The following MCC variants were observed in gnomAD, a reference collection of about 807,000 sequenced individuals.
The protein encoded by MCC is colorectal mutant cancer protein.
In MCC, 90 loss-of-function variants were observed where a neutral mutation model predicts 116.2. That is an observed-to-expected ratio of 0.77 (90% CI 0.65 to 0.92). MCC has a LOEUF of 0.92. Among genes scored for constraint, MCC ranks in the 40% least tolerant of loss-of-function variants. The pLI is 0.00. For synonymous variants in MCC, 578 were observed against 510.5 expected (o/e 1.13, Z -1.78); for missense variants, 1,516 against 1,312.2 (o/e 1.16, Z -2.40).
intron 3 of MCC, among the ~76,000 whole-genome samples, chr5:113,191,620 C>T (rs1039798611): frequency 2.6e-5 from 4 of 152,174 alleles, no homozygotes; most frequent in African/African-American, 9.7e-5. Context: ...GAGGTTTCCT[C>T]GCCACATCTC....
chr5:113,072,289 C>A (rs913024466), intron 11 of MCC, among the ~76,000 whole-genome samples: 4 of 152,228 alleles, frequency 2.6e-5, no homozygotes, highest in East Asian at 1.9e-4. Context: ...TGGGAGACAT[C>A]TGGTGAGTGT....
intron 2 of MCC, among the ~76,000 whole-genome samples, chr5:113,375,653 G>A (rs1261312471): frequency 6.6e-6 from 1 of 152,074 alleles, no homozygotes; most frequent in Non-Finnish European, 1.5e-5. Flanking sequence ...CCATGTCTGG[G>A]GCTTGGTGCT....
intron 3 of MCC, among the ~76,000 whole-genome samples, chr5:113,300,526 A>G (rs985979010): frequency 2.0e-5 from 3 of 152,152 alleles, no homozygotes; most frequent in African/African-American, 7.2e-5. Flanking sequence ...AATAATTCTT[A>G]AATTGGTGGG....
intron 1 of MCC, among the ~76,000 whole-genome samples, chr5:113,461,594 C>A (rs1409198309): frequency 6.6e-6 from 1 of 151,800 alleles, no homozygotes; most frequent in East Asian, 1.9e-4. Context: ...CTGCTTGAGC[C>A]CAGGAGTCTG....
chr5:113,321,168 G>A (rs1209318139), intron 3 of MCC, among the ~76,000 whole-genome samples: 2 of 152,126 alleles, frequency 1.3e-5, no homozygotes, highest in Non-Finnish European at 2.9e-5. Flanking sequence ...TATTTCTACT[G>A]AAATCTGAAA....
chr5:113,460,099 C>T (rs944595986), intron 1 of MCC, among the ~76,000 whole-genome samples: 10 of 152,162 alleles, frequency 6.6e-5, no homozygotes, highest in African/African-American at 2.2e-4. Flanking sequence ...TATACCTAAA[C>T]ATATAAAGTG....
chr5:113,313,338 C>T (rs774842397), intron 3 of MCC, among the ~76,000 whole-genome samples: 16 of 152,002 alleles, frequency 1.1e-4, no homozygotes, highest in East Asian at 7.7e-4. Context: ...AGCAAAACTC[C>T]GTCTCAAAAA....
chr5:113,139,986 C>A (rs773161743), intron 5 of MCC, among the ~76,000 whole-genome samples: 57 of 152,162 alleles, frequency 3.7e-4, no homozygotes, highest in Admixed American at 9.2e-4. Context: ...AGTAAACAGA[C>A]AACTTACAGA....
chr5:113,305,223 C>A (rs776555106), intron 3 of MCC, among the ~76,000 whole-genome samples: 9 of 152,120 alleles, frequency 5.9e-5, no homozygotes, highest in Non-Finnish European at 1.3e-4. Flanking sequence ...AGAATGGGCT[C>A]CTGCCTACTT....
intron 11 of MCC, among the ~76,000 whole-genome samples, chr5:113,072,448 G>C (rs1472264591): frequency 6.6e-6 from 1 of 152,150 alleles, no homozygotes. Flanking sequence ...CCAGTCTACA[G>C]TCTGTCCCGG....
chr5:113,435,652 G>T (rs1770833528), intron 1 of MCC: 1 of 152,542 alleles, frequency 6.6e-6, no homozygotes, highest in Non-Finnish European at 1.5e-5. Context: ...CACGCAGTTT[G>T]AGATGCCTGG....
intron 3 of MCC, among the ~76,000 whole-genome samples, chr5:113,171,532 T>A (rs940139333): frequency 6.6e-6 from 1 of 152,012 alleles, no homozygotes; most frequent in African/African-American, 2.4e-5. Flanking sequence ...TTTTTGTATT[T>A]TTAATAGAGA....
intron 4 of MCC, among the ~76,000 whole-genome samples, chr5:113,147,149 G>A (rs1235429762): frequency 6.6e-6 from 1 of 152,178 alleles, no homozygotes; most frequent in Non-Finnish European, 1.5e-5. Flanking sequence ...AATTAAACAT[G>A]CATATAAATA....
chr5:113,125,282 T>C (rs1287610342), intron 5 of MCC, among the ~76,000 whole-genome samples: 1 of 152,024 alleles, frequency 6.6e-6, no homozygotes, highest in Non-Finnish European at 1.5e-5. Flanking sequence ...ACAGATAAAA[T>C]GAGAAGAAGA....
intron 3 of MCC, among the ~76,000 whole-genome samples, chr5:113,257,508 T>C (rs571983365): frequency 6.6e-6 from 1 of 152,026 alleles, no homozygotes; most frequent in African/African-American, 2.4e-5. Flanking sequence ...AGAGTTTAAG[T>C]GAGAAAGAGA....
At chr5:113,361,256 T>A in intron 2 of MCC, among the ~76,000 whole-genome samples, 1 of 117,250 alleles carries the variant, frequency 8.5e-6, no homozygotes, top group South Asian at 2.3e-4. Flanking sequence ...TTCATAAATC[T>A]TTAAAAAAAA....
At chr5:113,357,612 T>A (rs1768445433) in intron 2 of MCC, among the ~76,000 whole-genome samples, 1 of 152,176 alleles carries the variant, frequency 6.6e-6, no homozygotes, top group South Asian at 2.1e-4. Flanking sequence ...AGCTTCCCGA[T>A]AAGATCTCAG....
chr5:113,080,701 T>C (rs1754794086), intron 11 of MCC, among the ~76,000 whole-genome samples: 1 of 151,272 alleles, frequency 6.6e-6, no homozygotes, highest in Non-Finnish European at 1.5e-5. Flanking sequence ...ATACCTAATG[T>C]AAATGATGAG....
At chr5:113,370,276 G>T (rs560698164) in intron 2 of MCC, among the ~76,000 whole-genome samples, 1 of 152,110 alleles carries the variant, frequency 6.6e-6, no homozygotes, top group Non-Finnish European at 1.5e-5. Flanking sequence ...CCATTCCTAG[G>T]CCATGAAGAG....
Sources: gnomAD v4.1 joint callset for allele counts (sites outside exome capture counted in the v4.1 genomes callset) on GRCh38, gnomAD v4.1.1 for gene constraint, MANE v1.5 for transcripts, NCBI Gene and HGNC (gene_info 2026-07-23, HGNC 2026-07-21) for gene names.